CRPPA: variants seen among roughly 807,000 people sequenced by gnomAD.
The protein encoded by CRPPA is D-ribitol-5-phosphate cytidylyltransferase.
Under a neutral mutation model 52.0 loss-of-function variants are expected in CRPPA, and 43 were observed. That is an observed-to-expected ratio of 0.83 (90% CI 0.65 to 1.07). The LOEUF is 1.07. CRPPA is among the 50% of genes least tolerant of loss of function. The pLI, the probability that CRPPA is intolerant of heterozygous loss-of-function variation, is 0.00. For missense variants in CRPPA, 629 were observed against 551.7 expected (o/e 1.14, Z -1.40); for synonymous variants, 250 against 203.5 (o/e 1.23, Z -1.94).
intron 8 of CRPPA, among the ~76,000 whole-genome samples, chr7:16,256,870 C>T (rs920191854): frequency 8.6e-5 from 13 of 151,998 alleles, no homozygotes; most frequent in African/African-American, 3.1e-4. Context: ...ATGTAATAAA[C>T]CTGCACATTG....
chr7:16,185,214 G>A (rs1345458109), intron 9 of CRPPA, among the ~76,000 whole-genome samples: 2 of 152,182 alleles, frequency 1.3e-5, no homozygotes, highest in South Asian at 4.1e-4. Flanking sequence ...ACACATGGCA[G>A]CAGACAAGAG....
At position 16,421,495 on chromosome 7, in the gene CRPPA, G is replaced by A. The variant is rs1178123221; in HGVS notation, c.-173C>T. Among the ~76,000 whole-genome samples, 1 of 152,152 alleles carries A rather than the reference G, an allele frequency of 6.6e-6. No individual in the cohort carries two copies. Among genetic ancestry groups the A allele is most frequent in the South Asian group, 2.1e-4 (1 of 4,826 alleles). ...GAGCCCCGCTGTTGCTGCCCCGCAG[G>A]GGACGATCCCGACAGCTACGGCAGC... is the stretch of plus-strand genomic sequence containing the variant. On this transcript the variant is annotated 5_prime_UTR_variant, in exon 1 of 10. Coordinates refer to ENST00000407010, the MANE Select transcript of CRPPA (RefSeq NM_001101426.4).
chr7:16,129,700 T>C (rs1342328439), intron 9 of CRPPA, among the ~76,000 whole-genome samples: 1 of 152,172 alleles, frequency 6.6e-6, no homozygotes, highest in African/African-American at 2.4e-5. Flanking sequence ...TGTACAGATT[T>C]TGAATAAGTA....
At chr7:16,386,002 G>T (rs1411307403) in intron 2 of CRPPA, among the ~76,000 whole-genome samples, 1 of 152,232 alleles carries the variant, frequency 6.6e-6, no homozygotes, top group Admixed American at 6.5e-5. Context: ...GCCGTCCACA[G>T]ACAGCTTAAA....
chr7:16,313,870 T>C (rs1285530491), intron 3 of CRPPA, among the ~76,000 whole-genome samples: 2 of 152,048 alleles, frequency 1.3e-5, no homozygotes, highest in East Asian at 3.9e-4. Flanking sequence ...AGAGTAGGCC[T>C]TGTGTTATTT....
At chr7:16,388,331 T>C (rs1787347797) in intron 2 of CRPPA, among the ~76,000 whole-genome samples, 2 of 151,832 alleles carry the variant, frequency 1.3e-5, no homozygotes, top group South Asian at 2.1e-4. Flanking sequence ...AAGAAACCAC[T>C]AGCAAACTTG....
At chr7:16,253,102 C>A (rs1439528262) in intron 8 of CRPPA, among the ~76,000 whole-genome samples, 2 of 152,144 alleles carry the variant, frequency 1.3e-5, no homozygotes, top group Non-Finnish European at 2.9e-5. Flanking sequence ...GTCTCTATCT[C>A]CTTCAGTTCT....
chr7:16,368,693 T>C (rs1431296769), intron 3 of CRPPA, among the ~76,000 whole-genome samples: 1 of 152,192 alleles, frequency 6.6e-6, no homozygotes, highest in East Asian at 1.9e-4. Flanking sequence ...GCAAAAATAA[T>C]TTTTAGTGAC....
chr7:16,402,266 T>A (rs549982754), intron 2 of CRPPA, among the ~76,000 whole-genome samples: 2 of 152,340 alleles, frequency 1.3e-5, no homozygotes, highest in East Asian at 3.9e-4. Context: ...GTTTGGAGTT[T>A]CATTTAACAT....
chr7:16,112,007 C>T (rs151009019), intron 9 of CRPPA, among the ~76,000 whole-genome samples: 4 of 152,064 alleles, frequency 2.6e-5, no homozygotes, highest in Admixed American at 2.0e-4. Context: ...TATAATATCA[C>T]TTTTTACCCC....
chr7:16,160,531 T>C (rs1354559989), intron 9 of CRPPA, among the ~76,000 whole-genome samples: 2 of 151,932 alleles, frequency 1.3e-5, no homozygotes, highest in Non-Finnish European at 2.9e-5. Context: ...GTCTGTATGT[T>C]TTGATAGCAG....
At chr7:16,277,789 TCA>T (rs1241047919) in intron 6 of CRPPA, among the ~76,000 whole-genome samples, 1 of 152,172 alleles carries the variant, frequency 6.6e-6, no homozygotes, top group Non-Finnish European at 1.5e-5. Context: ...TCTCTAATCT[TCA>T]CAGAGTCTAC....
chr7:16,096,923 C>A (rs2128362579), intron 9 of CRPPA, among the ~76,000 whole-genome samples: 1 of 152,228 alleles, frequency 6.6e-6, no homozygotes, highest in South Asian at 2.1e-4. Flanking sequence ...TTTCTTCTTT[C>A]TGCTTTGCTA....
intron 6 of CRPPA, among the ~76,000 whole-genome samples, chr7:16,263,676 T>C (rs1041780629): frequency 6.6e-6 from 1 of 151,862 alleles, no homozygotes; most frequent in African/African-American, 2.4e-5. Flanking sequence ...TGCTTGAACC[T>C]GGGAGGCAGA....
At chr7:16,120,810 T>C (rs1033918296) in intron 9 of CRPPA, among the ~76,000 whole-genome samples, 1 of 152,084 alleles carries the variant, frequency 6.6e-6, no homozygotes, top group African/African-American at 2.4e-5. Flanking sequence ...TTGTTCTTAA[T>C]AGATGATGAA....
At chr7:16,157,882 T>A (rs1783217356) in intron 9 of CRPPA, among the ~76,000 whole-genome samples, 1 of 151,882 alleles carries the variant, frequency 6.6e-6, no homozygotes, top group African/African-American at 2.4e-5. Flanking sequence ...CTTTTTTTTT[T>A]TATTTTTTTT....
chr7:16,166,094 C>T (rs955590294), intron 9 of CRPPA, among the ~76,000 whole-genome samples: 1 of 152,196 alleles, frequency 6.6e-6, no homozygotes, highest in African/African-American at 2.4e-5. Flanking sequence ...ATTGTTGGTA[C>T]ACAAAGTCAA....
intron 9 of CRPPA, among the ~76,000 whole-genome samples, chr7:16,181,257 T>C (rs1473721593): frequency 2.6e-5 from 4 of 151,930 alleles, no homozygotes; most frequent in Non-Finnish European, 4.4e-5. Flanking sequence ...TTAGGACTTT[T>C]AGGAAAAAAA....
intron 3 of CRPPA, among the ~76,000 whole-genome samples, chr7:16,313,627 T>C (rs1785083980): frequency 6.6e-6 from 1 of 151,994 alleles, no homozygotes. Flanking sequence ...ACATGACTGA[T>C]TTTAGGTCTT....
Sources: allele counts gnomAD v4.1 joint callset (sites outside exome capture counted in the v4.1 genomes callset), GRCh38; gene constraint gnomAD v4.1.1; transcripts MANE v1.5; gene names NCBI Gene and HGNC (gene_info 2026-07-23, HGNC 2026-07-21).